Variants in DDX10 observed in about 807,000 individuals in gnomAD.
DDX10 encodes DEAD-box helicase 10.
DDX10 carries 74 observed loss-of-function variants against 104.3 expected under a neutral mutation model. That is an observed-to-expected ratio of 0.71 (90% CI 0.59 to 0.86). The LOEUF (loss-of-function observed/expected upper bound fraction) is 0.86, where lower values mean the gene tolerates loss of function less well. Among genes scored for constraint, DDX10 ranks in the 40% least tolerant of loss-of-function variants. DDX10 has a pLI of 0.00. For synonymous variants in DDX10, 351 were observed against 353.4 expected, an observed-to-expected ratio of 0.99 and a Z score of 0.08; for missense variants, 952 against 1,040.0, an observed-to-expected ratio of 0.92 and a Z score of 1.16.
intron 17 of DDX10, among the ~76,000 whole-genome samples, chr11:108,934,515 A>G (rs1249193029): frequency 6.6e-6 from 1 of 152,202 alleles, no homozygotes; most frequent in African/African-American, 2.4e-5. Context: ...ATGAATATGT[A>G]AGATGAGGAT....
chr11:108,878,595 T>C (rs149643019), intron 16 of DDX10, among the ~76,000 whole-genome samples: 3 of 152,246 alleles, frequency 2.0e-5, no homozygotes, highest in African/African-American at 7.2e-5. Context: ...TCAAGTCTTA[T>C]GACAAAGACT....
intron 16 of DDX10, among the ~76,000 whole-genome samples, chr11:108,852,863 CA>C (rs2048115561): frequency 1.3e-5 from 2 of 152,100 alleles, no homozygotes; most frequent in Admixed American, 6.6e-5. Flanking sequence ...AACTAGGGCC[CA>C]ATAACATATG....
chr11:108,750,926 C>CTTTTTTTTTTTTTT (rs10582729), intron 13 of DDX10, among the ~76,000 whole-genome samples: 1 of 24,250 alleles, frequency 4.1e-5, no homozygotes, highest in African/African-American at 9.5e-5. Flanking sequence ...CACCTGGTTA[C>CTTTTTTTTTTTTTT]TTTTTTTTTT....
At chr11:108,666,028 T>C (rs1246644099) in intron 1 of DDX10, among the ~76,000 whole-genome samples, 1 of 152,208 alleles carries the variant, frequency 6.6e-6, no homozygotes, top group Non-Finnish European at 1.5e-5. Context: ...CCTGTAATGA[T>C]CACTTTGACC....
At chr11:108,931,758 A>G (rs905790336) in intron 17 of DDX10, among the ~76,000 whole-genome samples, 5 of 152,234 alleles carry the variant, frequency 3.3e-5, no homozygotes, top group Admixed American at 6.5e-5. Flanking sequence ...TAGGAAACTA[A>G]AGATTCTTCT....
At chr11:108,827,197 T>C (rs559396773) in intron 13 of DDX10, among the ~76,000 whole-genome samples, 4 of 152,364 alleles carry the variant, frequency 2.6e-5, no homozygotes, top group Non-Finnish European at 5.9e-5. Context: ...CTTTCAATCA[T>C]TATTGAATAT....
At chr11:108,901,913 ACTGT>A (rs745427101) in intron 16 of DDX10, among the ~76,000 whole-genome samples, 5 of 152,232 alleles carry the variant, frequency 3.3e-5, no homozygotes, top group Non-Finnish European at 7.3e-5. Flanking sequence ...CTAGAGCAAA[ACTGT>A]CTGTGGGCAT....
intron 16 of DDX10, among the ~76,000 whole-genome samples, chr11:108,855,694 C>T (rs1234877847): frequency 7.9e-5 from 12 of 152,062 alleles, no homozygotes; most frequent in Admixed American, 5.9e-4. Flanking sequence ...CTCCTGACCC[C>T]GTGATCCACC....
chr11:108,736,431 G>A (rs1017502066), intron 13 of DDX10, among the ~76,000 whole-genome samples: 23 of 152,066 alleles, frequency 1.5e-4, no homozygotes, highest in East Asian at 3.9e-4. Context: ...ATGGATGGGC[G>A]GGATTTGGCC....
At chr11:108,872,216 CA>C (rs1863092194) in intron 16 of DDX10, among the ~76,000 whole-genome samples, 1 of 152,154 alleles carries the variant, frequency 6.6e-6, no homozygotes, top group South Asian at 2.1e-4. Flanking sequence ...ATCACAAATA[CA>C]TAGAAGAGAT....
At chr11:108,821,269 T>G (rs1215625917) in intron 13 of DDX10, among the ~76,000 whole-genome samples, 4 of 152,236 alleles carry the variant, frequency 2.6e-5, no homozygotes, top group Non-Finnish European at 5.9e-5. Flanking sequence ...GGGAAGAATT[T>G]CAAGCATATT....
chr11:108,791,599 A>G (rs1302090589), intron 13 of DDX10, among the ~76,000 whole-genome samples: 1 of 152,152 alleles, frequency 6.6e-6, no homozygotes, highest in Non-Finnish European at 1.5e-5. Flanking sequence ...GTTCTCTTGT[A>G]TACCTTCCAA....
At chr11:108,799,304 C>G (rs1230363662) in intron 13 of DDX10, among the ~76,000 whole-genome samples, 1 of 152,210 alleles carries the variant, frequency 6.6e-6, no homozygotes, top group South Asian at 2.1e-4. Flanking sequence ...CACTCACTTT[C>G]ACCCCTCCCT....
intron 2 of DDX10, among the ~76,000 whole-genome samples, chr11:108,673,858 T>C (rs1021949379): frequency 3.9e-5 from 6 of 152,198 alleles, no homozygotes; most frequent in African/African-American, 1.4e-4. Context: ...CTGAGTGGCT[T>C]AAACAACAGA....
At chr11:108,880,496 G>A (rs190892945) in intron 16 of DDX10, among the ~76,000 whole-genome samples, 61 of 152,216 alleles carry the variant, frequency 4.0e-4, no homozygotes, top group African/African-American at 1.3e-3. Flanking sequence ...TCTCTGAAGG[G>A]CCCACTTTCT....
At chr11:108,879,141 A>G (rs993033271) in intron 16 of DDX10, among the ~76,000 whole-genome samples, 5 of 152,056 alleles carry the variant, frequency 3.3e-5, no homozygotes, top group Admixed American at 3.3e-4. Flanking sequence ...AGCTGGGACT[A>G]CAGGTGCACG....
Position 108,811,894 on chromosome 11 carries a change from G to GC in DDX10, c.1966-26552_1966-26551insC, listed in dbSNP as rs1555028211. ...GAAAGGGGAATTAATTATAAATATG[G>GC]GGGGGGGAAGAGAGCTGAATAATTA... On this transcript the variant is annotated intron_variant, in intron 13 of 17. Coordinates refer to ENST00000322536, the MANE Select transcript of DDX10 (RefSeq NM_004398.4). Among the ~76,000 whole-genome samples the GC allele has an allele frequency of 8.1e-5, 12 of 148,840 alleles. No individual in the cohort carries two copies. The East Asian group carries it at 2.2e-3, about 28-fold the overall frequency.
rs572279079 is a variant in DDX10 at position 108,846,747 on chromosome 11, C to G, written c.2247+5271C>G. Among the ~76,000 whole-genome samples the G allele has an allele frequency of 5.3e-5, 8 of 152,294 alleles. No individual in the cohort carries two copies. In the South Asian group the frequency reaches 1.5e-3, roughly 28 times the overall value. ...GTTGCAATAAACATGAGAGTGCAGA[C>G]ATCTATTTGACATACGAATTTCAAT... On this transcript the variant is annotated intron_variant, in intron 15 of 17. Transcript: ENST00000322536.
intron 13 of DDX10, among the ~76,000 whole-genome samples, chr11:108,803,618 T>A (rs914752685): frequency 5.9e-5 from 9 of 152,074 alleles, no homozygotes; most frequent in Admixed American, 3.9e-4. Context: ...AAATCTTTGT[T>A]TTTCCTGATC....
Sources: allele counts gnomAD v4.1 joint callset (sites outside exome capture counted in the v4.1 genomes callset), GRCh38; gene constraint gnomAD v4.1.1; transcripts MANE v1.5; gene names NCBI Gene and HGNC (gene_info 2026-07-23, HGNC 2026-07-21).